INPP5E: variants seen among roughly 807,000 people sequenced by gnomAD.
INPP5E encodes the protein phosphatidylinositol polyphosphate 5-phosphatase type IV.
A neutral mutation model predicts 50.5 loss-of-function variants in INPP5E; 34 were observed. The ratio of observed to expected loss-of-function variants is 0.67; its 90% confidence interval spans 0.51 to 0.90. INPP5E has a LOEUF of 0.90. INPP5E is among the 40% of genes least tolerant of loss of function. The probability of loss-of-function intolerance (pLI) is 0.00; values close to 1 mark genes in which losing one functional copy is unlikely to be tolerated. For missense variants in INPP5E, 942 were observed against 905.5 expected (o/e 1.04, Z -0.52); for synonymous variants, 447 against 406.0 (o/e 1.10, Z -1.21).
In INPP5E at chr9:136,429,565, G is replaced by C; in HGVS notation, c.*110C>G. On this transcript the variant is annotated 3_prime_UTR_variant, in exon 10 of 10. Transcript: ENST00000371712. ...GGGACGCTGGCACAGAGGCACGGTC[G>C]CCACAGTCCCTCGGATCCCCGAAAG... is the stretch of plus-strand genomic sequence containing the variant. The C allele has an allele frequency of 7.0e-7, 1 of 1,435,332 alleles. No homozygotes were observed. The highest frequency in any genetic ancestry group is 9.7e-7 in the Non-Finnish European group (1 of 1,031,320). The allele number at this position is 1,435,332 out of a possible 1,614,324, so 88.9% of individuals were successfully genotyped here.
chr9:136,434,439 C>T (rs910398307), intron 2 of INPP5E, among the ~76,000 whole-genome samples: 3 of 152,158 alleles, frequency 2.0e-5, no homozygotes, highest in Admixed American at 6.5e-5. Context: ...CACCCCTACG[C>T]GTGCCCCGCT....
chr9:136,434,923 G>C lies in INPP5E; in HGVS notation c.813-60C>G, dbSNP rs1482471425. 1.9e-6 allele frequency: 3 copies of C among 1,561,416 alleles called. No homozygotes were observed. The African/African-American group carries it at 4.1e-5, about 21-fold the overall frequency. On this transcript the variant is annotated intron_variant, in intron 1 of 9. Coordinates refer to ENST00000371712, the MANE Select transcript of INPP5E (RefSeq NM_019892.6). ...ACAGGACACATCCCTGGGGGTCTGGGCCAGGTCCCCAGGGACAATAGCAAA... is the reference window on the plus strand; with the variant it reads ...ACAGGACACATCCCTGGGGGTCTGGCCCAGGTCCCCAGGGACAATAGCAAA...
chr9:136,432,867 G>C (rs1588833897), intron 5 of INPP5E, 89 bp downstream of exon 5: 3 of 1,510,384 alleles, frequency 2.0e-6, no homozygotes, highest in Middle Eastern at 1.7e-4. Context: ...TGAAGCCAGC[G>C]GTCAGGACCC....
rs951518514 is a variant in INPP5E at position 136,439,530 on chromosome 9, G to C, written c.-111C>G. On this transcript the variant is annotated 5_prime_UTR_variant, in exon 1 of 10. Coordinates refer to ENST00000371712, the MANE Select transcript of INPP5E (RefSeq NM_019892.6). ...AGCGAGGAGCAGAAACGCCGCTGCG[G>C]CTCCCGCTTGGGCCGGGGATGGTCG... 1 of 769,966 alleles carries C rather than the reference G, an allele frequency of 1.3e-6. No individual in the cohort carries two copies. Among genetic ancestry groups the C allele is most frequent in the African/African-American group, 1.8e-5 (1 of 54,146 alleles). 47.7% of individuals were successfully genotyped at this position (769,966 alleles called of 1,614,324 possible).
Position 136,430,152 on chromosome 9 carries a change from A to G in INPP5E, c.1802+125T>C. 4.0e-6 allele frequency: 5 copies of G among 1,260,292 alleles called. No individual in the cohort carries two copies. The South Asian group carries it at 6.9e-5, about 17-fold the overall frequency. The allele number at this position is 1,260,292 out of a possible 1,614,324, so 78.1% of individuals were successfully genotyped here. A position where few individuals can be genotyped will look rare whatever the true frequency, so the allele number is the denominator to read the frequency against. On this transcript the variant is annotated intron_variant, in intron 9 of 9. Transcript: ENST00000371712. ...ATGAGTCCAACCGATCCCGGGGAAC[A>G]CAGCCCTGAAGGTCCCAGAACAAAG...
chr9:136,432,422 G>A (rs754338638), intron 6 of INPP5E, 57 bp downstream of exon 6: 9 of 1,219,352 alleles, frequency 7.4e-6, no homozygotes, highest in South Asian at 5.2e-5. Context: ...TAAAAACGAC[G>A]GGCGCCCGTG....
chr9:136,438,294 T>C (rs1055638777), intron 1 of INPP5E: 5 of 471,430 alleles, frequency 1.1e-5, no homozygotes, highest in Admixed American at 3.4e-5. Context: ...AAGGGGCGGA[T>C]CGTATACATT....
chr9:136,432,620 G>A (rs761872842), intron 5 of INPP5E, 34 bp from the exon 6 acceptor site: 4 of 1,362,930 alleles, frequency 2.9e-6, no homozygotes, highest in Non-Finnish European at 4.1e-6. Flanking sequence ...GGACCACAGG[G>A]TTCCGGATGC....
intron 2 of INPP5E, 81 bp from the exon 3 acceptor site, chr9:136,434,215 G>A: frequency 1.1e-6 from 1 of 933,096 alleles, no homozygotes; most frequent in Non-Finnish European, 1.7e-6. Context: ...GCGGTGCCTT[G>A]AGTACCAGCG....
chr9:136,438,553 C>G, intron 1 of INPP5E, 55 bp downstream of exon 1: 2 of 1,446,176 alleles, frequency 1.4e-6, no homozygotes, highest in Non-Finnish European at 1.9e-6. Context: ...GTTCCAGCAG[C>G]CTGAACACTA....
chr9:136,437,885 G>C, intron 1 of INPP5E: 1 of 153,708 alleles, frequency 6.5e-6, no homozygotes, highest in Non-Finnish European at 1.4e-5. Flanking sequence ...GAGGTCATGG[G>C]TTCAGCTGCA....
intron 8 of INPP5E, 100 bp from the exon 9 acceptor site, chr9:136,430,513 G>A (rs1835676140): frequency 1.4e-6 from 2 of 1,421,146 alleles, no homozygotes; most frequent in Admixed American, 2.0e-5. Flanking sequence ...CCCCCACAAG[G>A]AAGCCTTCTG....
chr9:136,430,986 G>C lies in INPP5E; in HGVS notation c.1665+16C>G, dbSNP rs776879039. On this transcript the variant is annotated intron_variant, in intron 8 of 9. Transcript: ENST00000371712. ...CCCTGGAAGCACTCTGCACCGCAGCGGTGGGCAGGCCTCACCGTGTATGAG... is the reference window on the plus strand; with the variant it reads ...CCCTGGAAGCACTCTGCACCGCAGCCGTGGGCAGGCCTCACCGTGTATGAG... 14 of 1,546,180 alleles carry C rather than the reference G, an allele frequency of 9.1e-6. No individual in the cohort carries two copies. The highest frequency in any genetic ancestry group is 3.3e-5 in the Admixed American group (2 of 59,832).
chr9:136,430,907 C>G, intron 8 of INPP5E, 95 bp downstream of exon 8: 2 of 901,652 alleles, frequency 2.2e-6, no homozygotes, highest in Admixed American at 1.9e-5. Context: ...TCCAGGCCGT[C>G]CAGGCTCAGA....
chr9:136,431,974 TG>T lies in INPP5E; in HGVS notation c.1398del (p.Thr467ProfsTer16). On this transcript the variant is annotated frameshift_variant, in exon 7 of 10. Coordinates refer to ENST00000371712, the MANE Select transcript of INPP5E (RefSeq NM_019892.6). LOFTEE classifies it high-confidence loss of function. The part of the protein sequence containing the change: ...NPYRSSAADV[T>X]TRFDEVFWFG... Reference sequence around the variant, plus strand: ...AACCAGAACACCTCATCGAAGCGGGTGGTGACGTCCGCTGCGGCACAGTGGG... The same window carrying T: ...AACCAGAACACCTCATCGAAGCGGGTGTGACGTCCGCTGCGGCACAGTGGG... The T allele has an allele frequency of 6.2e-7, 1 of 1,611,588 alleles. No individual in the cohort carries two copies. The highest frequency in any genetic ancestry group is 8.5e-7 in the Non-Finnish European group (1 of 1,179,644).
rs750127451 is a variant in INPP5E, at chr9:136,439,103, C to A, written c.317G>T (p.Arg106Leu). 3 of 1,581,280 alleles carry A rather than the reference C, an allele frequency of 1.9e-6. No individual in the cohort carries two copies. Among genetic ancestry groups the A allele is most frequent in the Non-Finnish European group, 2.6e-6 (3 of 1,165,450 alleles). Residue 106 changes from arginine (R) to leucine (L), a missense_variant, in exon 1 of 10, where the codon CGG (arginine) becomes CTG (leucine). By Grantham distance (102) the Arg-to-Leu change is moderately radical. Transcript: ENST00000371712. ...FRGSQEDLEA[R>L]NGTSPSRGSV... ...GCCCCTGGAGGGACTGGTCCCATTC[C>A]GGGCTTCCAGGTCCTCCTGGCTGCC...
rs79765593 is a variant in INPP5E at position 136,433,502 on chromosome 9, C to G, written c.1035-223G>C. Among the ~76,000 whole-genome samples, 142 of 152,276 alleles carry G rather than the reference C, an allele frequency of 9.3e-4. 3 individuals carry two copies. In the East Asian group the frequency reaches 0.026, roughly 28 times the overall value. On this transcript the variant is annotated intron_variant, in intron 3 of 9. Transcript: ENST00000371712. ...CACTTGAGTGGCTCCCCTGGACCCC[C>G]GCCGAGACCCCAGTGAGCAGAGCTC... is the stretch of plus-strand genomic sequence containing the variant.
chr9:136,438,834 C>T lies in INPP5E; in HGVS notation c.586G>A (p.Ala196Thr). 1 of 1,610,226 alleles carries T rather than the reference C, an allele frequency of 6.2e-7. No homozygotes were observed. The highest frequency in any genetic ancestry group is 1.1e-5 in the South Asian group (1 of 90,778). The change falls in exon 1 of 10, where the codon GCC (alanine) becomes ACC (threonine). Residue 196 changes from alanine to threonine, a missense_variant. Ala to Thr is a moderately conservative substitution (Grantham distance 58). Coordinates refer to ENST00000371712, the MANE Select transcript of INPP5E (RefSeq NM_019892.6). ...TCGGAGGCGATGTCCAGGCTCAGGGCAGGCGGTGGGCGCGGGGGCAGCAGG... is the reference window on the plus strand; with the variant it reads ...TCGGAGGCGATGTCCAGGCTCAGGGTAGGCGGTGGGCGCGGGGGCAGCAGG... ...PSLLPPRPPP[A>T]LSLDIASDSL...
In INPP5E at chr9:136,434,823, A is replaced by G. The variant is rs763694461; in HGVS notation, c.853T>C (p.Leu285=). The G allele has an allele frequency of 4.2e-5, 67 of 1,609,332 alleles. No homozygotes were observed. The highest frequency in any genetic ancestry group is 5.1e-5 in the Non-Finnish European group (60 of 1,178,880). ...TAGCGGGCCAGCTCATCCGCCCCCA[A>G]CAGGGCCCCGCTGGCCAGGAGGCTG... The part of the protein sequence containing the change: ...EGSLLASGAL[L]GADELARYFP... Residue 285 remains leucine, a synonymous_variant, in exon 2 of 10, where the codon TTG becomes CTG. Coordinates refer to ENST00000371712, the MANE Select transcript of INPP5E (RefSeq NM_019892.6).
Sources: gnomAD v4.1 joint callset for allele counts (sites outside exome capture counted in the v4.1 genomes callset) on GRCh38, gnomAD v4.1.1 for gene constraint, MANE v1.5 for transcripts, NCBI Gene and HGNC (gene_info 2026-07-23, HGNC 2026-07-21) for gene names.